ARID2: variants seen among roughly 807,000 people sequenced by gnomAD.
ARID2 encodes AT-rich interactive domain-containing protein 2.
In ARID2, 32 loss-of-function variants were observed where a neutral mutation model predicts 184.6. That is an observed-to-expected ratio of 0.17 (90% confidence interval 0.13 to 0.23). The LOEUF (loss-of-function observed/expected upper bound fraction) is 0.23, where lower values mean the gene tolerates loss of function less well. Among genes scored for constraint, ARID2 ranks in the 10% least tolerant of loss-of-function variants. The pLI is 1.00. For synonymous variants in ARID2, 836 were observed against 772.6 expected (o/e 1.08, Z -1.36); for missense variants, 1,696 against 2,197.6 (o/e 0.77, Z 4.56).
chr12:45,734,375 AT>A (rs1480489622), intron 3 of ARID2, among the ~76,000 whole-genome samples: 1 of 152,134 alleles, frequency 6.6e-6, no homozygotes, highest in Non-Finnish European at 1.5e-5. Context: ...TCTCAAAAAA[AT>A]AAAATAAAAT....
At chr12:45,818,852 A>G (rs930586608) in intron 5 of ARID2, among the ~76,000 whole-genome samples, 2 of 152,130 alleles carry the variant, frequency 1.3e-5, no homozygotes, top group African/African-American at 4.8e-5. Context: ...ATGATTTTGA[A>G]ATTAAATAAA....
At chr12:45,819,040 A>G (rs1942853249) in intron 5 of ARID2, among the ~76,000 whole-genome samples, 1 of 152,154 alleles carries the variant, frequency 6.6e-6, no homozygotes, top group South Asian at 2.1e-4. Flanking sequence ...TCTTCCAAAT[A>G]CAACTTTCAG....
At chr12:45,771,484 G>A (rs1429217444) in intron 3 of ARID2, among the ~76,000 whole-genome samples, 1 of 149,864 alleles carries the variant, frequency 6.7e-6, no homozygotes, top group Non-Finnish European at 1.5e-5. Flanking sequence ...GGGCAACATA[G>A]TAAGACTCTG....
At chr12:45,758,845 C>T (rs541513286) in intron 3 of ARID2, among the ~76,000 whole-genome samples, 71 of 152,138 alleles carry the variant, frequency 4.7e-4, no homozygotes, top group Non-Finnish European at 9.3e-4. Context: ...TCACATTCCA[C>T]TGGTCAGAAC....
intron 16 of ARID2, among the ~76,000 whole-genome samples, chr12:45,876,979 C>T (rs1427921861): frequency 6.6e-6 from 1 of 151,090 alleles, no homozygotes; most frequent in Non-Finnish European, 1.5e-5. Flanking sequence ...GTAGTCCCAG[C>T]TCCTTGGGAG....
intron 6 of ARID2, among the ~76,000 whole-genome samples, chr12:45,828,388 T>C (rs1243136053): frequency 6.6e-6 from 1 of 152,118 alleles, no homozygotes; most frequent in East Asian, 1.9e-4. Flanking sequence ...GATTTAGTTA[T>C]TTCCAGGTTG....
intron 3 of ARID2, among the ~76,000 whole-genome samples, chr12:45,737,415 AG>A (rs1941152885): frequency 6.6e-6 from 1 of 150,986 alleles, no homozygotes; most frequent in Admixed American, 6.6e-5. Context: ...TTTGTTCTTT[AG>A]ACTGTCTTAA....
chr12:45,734,892 G>A (rs1489545982), intron 3 of ARID2, among the ~76,000 whole-genome samples: 6 of 152,148 alleles, frequency 3.9e-5, no homozygotes, highest in Non-Finnish European at 8.8e-5. Flanking sequence ...TATAGTCAAG[G>A]TTAACTTGAT....
At chr12:45,751,042 CAAT>C (rs1941455482) in intron 3 of ARID2, among the ~76,000 whole-genome samples, 1 of 151,948 alleles carries the variant, frequency 6.6e-6, no homozygotes, top group African/African-American at 2.4e-5. Context: ...GGACATATAT[CAAT>C]GATGAGAACA....
In ARID2 at chr12:45,852,816, G is replaced by A. The variant is rs138175128; in HGVS notation, c.4693G>A (p.Val1565Ile). The A allele has an allele frequency of 3.7e-5, 59 of 1,613,828 alleles. No homozygotes were observed. In the African/African-American group the frequency reaches 6.8e-4, roughly 19 times the overall value. ...AVPAGADPST[V>I]AKVAIESAVQ... Reference sequence around the variant, plus strand: ...GCCAGCAGGAGCAGATCCAAGCACTGTAGCTAAAGTAGCAATAGAAAGTGC... The same window carrying A: ...GCCAGCAGGAGCAGATCCAAGCACTATAGCTAAAGTAGCAATAGAAAGTGC... Residue 1565 changes from valine to isoleucine, a missense_variant, in exon 15 of 21, where the codon GTA becomes ATA. Val to Ile is a conservative substitution (Grantham distance 29). Coordinates refer to ENST00000334344, the MANE Select transcript of ARID2 (RefSeq NM_152641.4).
chr12:45,801,377 A>T (rs1942499537), intron 3 of ARID2, among the ~76,000 whole-genome samples: 1 of 152,156 alleles, frequency 6.6e-6, no homozygotes, highest in Admixed American at 6.5e-5. Flanking sequence ...GTCGAGAATC[A>T]ATGGATGCTA....
chr12:45,844,608 T>C (rs1943409569), intron 11 of ARID2, among the ~76,000 whole-genome samples: 1 of 152,230 alleles, frequency 6.6e-6, no homozygotes. Context: ...TAATTCTCTC[T>C]TTAGTGTTCC....
chr12:45,869,187 T>G (rs1374853115), intron 16 of ARID2, among the ~76,000 whole-genome samples: 1 of 152,086 alleles, frequency 6.6e-6, no homozygotes, highest in Admixed American at 6.5e-5. Flanking sequence ...CAGCTAATTT[T>G]TGTATTTTTA....
chr12:45,876,105 G>C (rs956245429), intron 16 of ARID2, among the ~76,000 whole-genome samples: 1 of 152,242 alleles, frequency 6.6e-6, no homozygotes, highest in African/African-American at 2.4e-5. Flanking sequence ...TAAAGTGAGA[G>C]ACATACGACT....
chr12:45,887,848 A>G (rs1162831235), intron 16 of ARID2, among the ~76,000 whole-genome samples: 2 of 152,192 alleles, frequency 1.3e-5, no homozygotes, highest in Admixed American at 6.5e-5. Context: ...TCTCACCAAT[A>G]TATAAGTGAA....
intron 12 of ARID2, 23 bp downstream of exon 12, chr12:45,846,960 G>A (rs2138150875): frequency 6.2e-7 from 1 of 1,604,276 alleles, no homozygotes; most frequent in Non-Finnish European, 8.5e-7. Context: ...TTTCTATTAA[G>A]GATTTATCCT....
intron 16 of ARID2, among the ~76,000 whole-genome samples, chr12:45,863,857 G>T (rs4768663): frequency 0.016 from 1,555 of 98,704 alleles, 50 homozygotes; most frequent in South Asian, 0.089. Context: ...TTTTTTTTTT[G>T]TTTTTTTTTT....
intron 20 of ARID2, chr12:45,904,335 T>A (rs1944494007): frequency 2.8e-6 from 2 of 715,960 alleles, no homozygotes; most frequent in African/African-American, 3.5e-5. Context: ...TTTTCTAAAT[T>A]TTCTAGAAAC....
intron 5 of ARID2, among the ~76,000 whole-genome samples, 162 bp from the exon 6 acceptor site, chr12:45,821,258 C>T (rs183265239): frequency 6.8e-4 from 104 of 151,936 alleles, no homozygotes; most frequent in South Asian, 1.9e-3. Context: ...CAATGTATTT[C>T]AAAAGAAATT....
Sources: allele counts gnomAD v4.1 joint callset (sites outside exome capture counted in the v4.1 genomes callset), GRCh38; gene constraint gnomAD v4.1.1; transcripts MANE v1.5; gene names NCBI Gene and HGNC (gene_info 2026-07-23, HGNC 2026-07-21).